Variants in TBXAS1 observed in about 807,000 individuals in gnomAD.
TBXAS1 encodes thromboxane-A synthase.
Under a neutral mutation model 60.7 loss-of-function variants are expected in TBXAS1, and 48 were observed. The ratio of observed to expected loss-of-function variants is 0.79; its 90% CI spans 0.63 to 1.01. TBXAS1 has a LOEUF of 1.01. TBXAS1 is among the 50% of genes least tolerant of loss of function. The pLI is 0.00. For missense variants in TBXAS1, 685 were observed against 686.3 expected (o/e 1.00, Z 0.02); for synonymous variants, 287 against 269.7 (o/e 1.06, Z -0.63).
intron 9 of TBXAS1, among the ~76,000 whole-genome samples, chr7:139,993,834 A>T (rs1813097649): frequency 1.3e-5 from 2 of 150,104 alleles, no homozygotes; most frequent in African/African-American, 4.9e-5. Context: ...CATCCATCCA[A>T]TGGGAGGGTT....
intron 4 of TBXAS1, among the ~76,000 whole-genome samples, chr7:139,918,415 C>T (rs1384351823): frequency 1.3e-5 from 2 of 152,162 alleles, no homozygotes; most frequent in African/African-American, 2.4e-5. Flanking sequence ...CCCTCTTAGG[C>T]CCCCTCAGGA....
rs187443022 is a variant in TBXAS1 at position 139,932,539 on chromosome 7, A to C, written c.334-3652A>C. Among the ~76,000 whole-genome samples, 1,037 of 141,302 alleles carry C rather than the reference A, an allele frequency of 7.3e-3. 14 individuals carry two copies. Among genetic ancestry groups the C allele is most frequent in the African/African-American group, 0.026 (985 of 37,582 alleles). 92.7% of individuals were successfully genotyped at this position (141,302 alleles called of 152,430 possible). On this transcript the variant is annotated intron_variant, in intron 4 of 12. Transcript: ENST00000448866. ...ACCCAATTCCACTTCTCAGGGTCAC[A>C]AAAAAAAAAACAAAACCTAAATTCC...
intron 1 of TBXAS1, among the ~76,000 whole-genome samples, chr7:139,848,078 C>G (rs1004283477): frequency 6.6e-6 from 1 of 152,144 alleles, no homozygotes; most frequent in African/African-American, 2.4e-5. Flanking sequence ...ACCTCAGCCT[C>G]CCAAGTAGCT....
At chr7:139,850,212 T>G (rs546552440) in intron 1 of TBXAS1, among the ~76,000 whole-genome samples, 26 of 152,318 alleles carry the variant, frequency 1.7e-4, no homozygotes, top group Non-Finnish European at 3.1e-4. Flanking sequence ...TCCAGTAAGT[T>G]GCTCTGGAAT....
At chr7:139,799,696 T>C (rs1797667974) in intron 4 of TBXAS1, among the ~76,000 whole-genome samples, 1 of 152,198 alleles carries the variant, frequency 6.6e-6, no homozygotes, top group East Asian at 1.9e-4. Context: ...ATTTCCTAGT[T>C]CCTTCCTTGC....
At chr7:139,828,276 G>A (rs1798503436), upstream of TBXAS1, among the ~76,000 whole-genome samples, 1 of 152,134 alleles carries the variant, frequency 6.6e-6, no homozygotes. Flanking sequence ...TTCTATTGCT[G>A]AGACTTTCCA....
chr7:139,785,788 A>G (rs943178155), intron 3 of TBXAS1, among the ~76,000 whole-genome samples: 2 of 151,556 alleles, frequency 1.3e-5, no homozygotes, highest in African/African-American at 2.4e-5. Context: ...CCCCTTCCCA[A>G]TCTCATCTCC....
In TBXAS1 at chr7:139,975,469, C is replaced by G. The variant is rs928654347; in HGVS notation, c.1134+13236C>G. Among the ~76,000 whole-genome samples, 1 of 150,288 alleles carries G rather than the reference C, an allele frequency of 6.7e-6. No individual in the cohort carries two copies. The highest frequency in any genetic ancestry group is 1.5e-5 in the Non-Finnish European group (1 of 67,526). ...TTCCTCAGCGCTCTGCTGTTCTTGC[C>G]TGACCAAGTGGATCAATGGTGGCTC... On this transcript the variant is annotated intron_variant, in intron 9 of 12. Coordinates refer to ENST00000448866, the MANE Select transcript of TBXAS1 (RefSeq NM_001061.7). The surrounding 1 kb of genome is among the most constrained non-coding windows in gnomAD (Gnocchi z 4.4).
At chr7:139,991,174 A>G (rs373756218) in intron 9 of TBXAS1, among the ~76,000 whole-genome samples, 3 of 152,200 alleles carry the variant, frequency 2.0e-5, no homozygotes, top group East Asian at 1.9e-4. Context: ...ATTTTGTTCC[A>G]AAACCTTGTT....
At chr7:139,995,187 G>A (rs1487445683) in intron 9 of TBXAS1, among the ~76,000 whole-genome samples, 1 of 152,178 alleles carries the variant, frequency 6.6e-6, no homozygotes, top group Non-Finnish European at 1.5e-5. Flanking sequence ...CAGGAGGGGC[G>A]GGGAGGGGTC....
intron 1 of TBXAS1, among the ~76,000 whole-genome samples, chr7:139,843,980 C>T (rs572524810): frequency 3.9e-4 from 59 of 152,336 alleles, no homozygotes; most frequent in African/African-American, 1.3e-3. Flanking sequence ...TTCATGCAAT[C>T]GTCGAATGCT....
At chr7:139,941,037 G>T (rs912842895) in intron 5 of TBXAS1, among the ~76,000 whole-genome samples, 1 of 152,174 alleles carries the variant, frequency 6.6e-6, no homozygotes, top group Non-Finnish European at 1.5e-5. Flanking sequence ...AGAGGGAAAT[G>T]AGCCACAGTG....
At chr7:139,844,577 C>T (rs896120028) in intron 1 of TBXAS1, among the ~76,000 whole-genome samples, 3 of 152,282 alleles carry the variant, frequency 2.0e-5, no homozygotes, top group Non-Finnish European at 1.5e-5. Flanking sequence ...ATCGCGTTGT[C>T]AATAAATGCA....
chr7:139,816,585 G>C (rs942001039), intron 4 of TBXAS1, among the ~76,000 whole-genome samples: 58 of 152,184 alleles, frequency 3.8e-4, no homozygotes, highest in African/African-American at 1.4e-3. Context: ...AGTGGTCCCA[G>C]ACCAGCAGCA....
At position 140,020,126 on chromosome 7, in the gene TBXAS1, G is replaced by T; in HGVS notation, c.*27G>T. 2 of 1,374,728 alleles carry T rather than the reference G, an allele frequency of 1.5e-6. No homozygotes were observed. Among genetic ancestry groups the T allele is most frequent in the South Asian group, 1.2e-5 (1 of 86,238 alleles). 85.2% of individuals were successfully genotyped at this position (1,374,728 alleles called of 1,614,324 possible). On this transcript the variant is annotated 3_prime_UTR_variant, in exon 13 of 13. Transcript: ENST00000448866. ...ACAGAAGGCTGCCGGGTGGGGGGAG[G>T]GCACCCCCAAATTCAAAGAAAACCC... is the stretch of plus-strand genomic sequence containing the variant.
At chr7:140,008,389 C>T (rs1814261393) in intron 10 of TBXAS1, among the ~76,000 whole-genome samples, 1 of 152,086 alleles carries the variant, frequency 6.6e-6, no homozygotes, top group Non-Finnish European at 1.5e-5. Context: ...GATGTGCAGC[C>T]CTTCCCTGAT....
At chr7:139,987,283 C>G (rs574082081) in intron 9 of TBXAS1, among the ~76,000 whole-genome samples, 1 of 152,268 alleles carries the variant, frequency 6.6e-6, no homozygotes, top group South Asian at 2.1e-4. Flanking sequence ...GGAAGCTGTT[C>G]TCACCTGCCC....
intron 9 of TBXAS1, among the ~76,000 whole-genome samples, chr7:139,983,150 T>C (rs1258928629): frequency 1.3e-5 from 2 of 152,214 alleles, no homozygotes; most frequent in Non-Finnish European, 2.9e-5. Context: ...TTGACTGATA[T>C]CAACATTTTA....
upstream of TBXAS1, among the ~76,000 whole-genome samples, chr7:139,827,985 T>G (rs762066462): frequency 3.9e-5 from 6 of 152,188 alleles, no homozygotes; most frequent in African/African-American, 1.4e-4. Context: ...ACAATGAATT[T>G]CCCATGTGTT....
Sources: allele counts gnomAD v4.1 joint callset (sites outside exome capture counted in the v4.1 genomes callset), GRCh38; gene constraint gnomAD v4.1.1; non-coding constraint Gnocchi (gnomAD v3.1); transcripts MANE v1.5; gene names NCBI Gene and HGNC (gene_info 2026-07-23, HGNC 2026-07-21).